The following GALNT13 variants were observed in gnomAD, a reference collection of about 807,000 sequenced individuals.
The protein encoded by GALNT13 is UDP-GalNAc:polypeptide N-acetylgalactosaminyltransferase 13.
A neutral mutation model predicts 64.2 loss-of-function variants in GALNT13; 28 were observed. The ratio of observed to expected loss-of-function variants is 0.44; its 90% confidence interval spans 0.32 to 0.60. The LOEUF (loss-of-function observed/expected upper bound fraction) is 0.60, where lower values mean the gene tolerates loss of function less well. Ranked by LOEUF, GALNT13 falls within the 20% of genes least tolerant of loss-of-function variation. The pLI, the probability that GALNT13 is intolerant of heterozygous loss-of-function variation, is 0.05. For missense variants in GALNT13, 577 were observed against 669.8 expected (o/e 0.86, Z 1.53); for synonymous variants, 214 against 224.6 (o/e 0.95, Z 0.42).
At chr2:153,609,610 T>C in the GALNT13 span, among the ~76,000 whole-genome samples, 1 of 152,140 alleles carries the variant, frequency 6.6e-6, no homozygotes, top group Admixed American at 6.6e-5. Flanking sequence ...GCCCTTTGTT[T>C]CTCATTTAAA....
chr2:154,375,669 C>G (rs1697949961), intron 9 of GALNT13, among the ~76,000 whole-genome samples: 1 of 152,002 alleles, frequency 6.6e-6, no homozygotes, highest in Non-Finnish European at 1.5e-5. Flanking sequence ...TCATGGGGGT[C>G]AAGACAACTT....
At chr2:153,373,358 A>G in the GALNT13 span, among the ~76,000 whole-genome samples, 2 of 152,140 alleles carry the variant, frequency 1.3e-5, no homozygotes, top group African/African-American at 4.8e-5. Flanking sequence ...TTCCCACCTT[A>G]TATTATACAC....
the GALNT13 span, among the ~76,000 whole-genome samples, chr2:153,277,675 T>C: frequency 6.6e-6 from 1 of 152,046 alleles, no homozygotes; most frequent in Non-Finnish European, 1.5e-5. Context: ...ACCAACACTG[T>C]ATAAGGATTT....
chr2:154,133,631 T>G (rs1682778722), intron 3 of GALNT13, among the ~76,000 whole-genome samples: 1 of 146,918 alleles, frequency 6.8e-6, no homozygotes, highest in African/African-American at 2.5e-5. Context: ...TCTAATTACT[T>G]TTTTATCAGT....
the GALNT13 span, among the ~76,000 whole-genome samples, chr2:153,507,282 TTTTTTA>T: frequency 6.6e-6 from 1 of 152,062 alleles, no homozygotes; most frequent in Admixed American, 6.6e-5. Flanking sequence ...TCTTTCCTTC[TTTTTTA>T]TTTTTATTTT....
chr2:153,538,093 T>A, the GALNT13 span, among the ~76,000 whole-genome samples: 1 of 152,132 alleles, frequency 6.6e-6, no homozygotes, highest in Non-Finnish European at 1.5e-5. Flanking sequence ...ACTTGTTGAA[T>A]GGTTTTGATG....
intron 9 of GALNT13, among the ~76,000 whole-genome samples, chr2:154,393,377 T>C (rs940245580): frequency 1.3e-5 from 2 of 152,102 alleles, no homozygotes; most frequent in African/African-American, 4.8e-5. Context: ...AAATCAGAAG[T>C]GACATAACCC....
At chr2:154,424,029 C>T (rs1177809745) in intron 11 of GALNT13, among the ~76,000 whole-genome samples, 1 of 152,030 alleles carries the variant, frequency 6.6e-6, no homozygotes, top group African/African-American at 2.4e-5. Context: ...CTATAAAGTG[C>T]CTGATAAGTA....
intron 4 of GALNT13, among the ~76,000 whole-genome samples, chr2:154,237,088 A>G (rs1689232133): frequency 6.6e-6 from 1 of 151,958 alleles, no homozygotes; most frequent in African/African-American, 2.4e-5. Context: ...CATTATTATT[A>G]CTACTTTAAT....
Position 154,450,743 on chromosome 2 carries a change from C to T in GALNT13, c.*192C>T. 1 of 494,722 alleles carries T rather than the reference C, an allele frequency of 2.0e-6. No homozygotes were observed. Among genetic ancestry groups the T allele is most frequent in the South Asian group, 3.8e-5 (1 of 26,020 alleles). The allele number at this position is 494,722 out of a possible 1,614,324, so 30.6% of individuals were successfully genotyped here. On this transcript the variant is annotated 3_prime_UTR_variant, in exon 13 of 13. Transcript: ENST00000392825. ...CTAAAATTTGTATCTGATCAAAGCA[C>T]ATAAGAATATAAATAATAGCAAACT... is the stretch of plus-strand genomic sequence containing the variant.
chr2:154,125,590 G>A (rs915110370), intron 3 of GALNT13, among the ~76,000 whole-genome samples: 1 of 152,168 alleles, frequency 6.6e-6, no homozygotes. Flanking sequence ...GTACAAAAAC[G>A]CAAAAAAGTG....
At chr2:154,408,167 G>GT (rs1259770253) in intron 10 of GALNT13, among the ~76,000 whole-genome samples, 2 of 151,944 alleles carry the variant, frequency 1.3e-5, no homozygotes, top group African/African-American at 2.4e-5. Flanking sequence ...AAGGTTGAAG[G>GT]TTTTTTTCTT....
the GALNT13 span, among the ~76,000 whole-genome samples, chr2:153,673,595 A>G: frequency 2.0e-5 from 3 of 152,072 alleles, no homozygotes; most frequent in Non-Finnish European, 2.9e-5. Context: ...AACCACGCCA[A>G]TATCATACTG....
the GALNT13 span, among the ~76,000 whole-genome samples, chr2:153,798,357 A>AGAG: frequency 6.6e-6 from 1 of 152,190 alleles, no homozygotes; most frequent in Non-Finnish European, 1.5e-5. Context: ...TAGTTTGAGT[A>AGAG]GAGCAATTAG....
chr2:154,168,544 A>G (rs1327256797), intron 4 of GALNT13, among the ~76,000 whole-genome samples: 2 of 151,992 alleles, frequency 1.3e-5, no homozygotes, highest in Non-Finnish European at 2.9e-5. Context: ...TTTGTAAGGA[A>G]AGAGATTTGG....
the GALNT13 span, among the ~76,000 whole-genome samples, chr2:153,513,032 C>T: frequency 6.6e-5 from 10 of 152,092 alleles, no homozygotes; most frequent in African/African-American, 1.7e-4. Context: ...AATAAGGGGA[C>T]GATCTGTTGG....
the GALNT13 span, among the ~76,000 whole-genome samples, chr2:153,477,050 C>G: frequency 2.6e-5 from 4 of 152,158 alleles, no homozygotes; most frequent in Non-Finnish European, 5.9e-5. Context: ...GGGGGCCCTT[C>G]TGTCGTCTCG....
chr2:153,695,813 A>G, the GALNT13 span, among the ~76,000 whole-genome samples: 1,149 of 152,264 alleles, frequency 7.5e-3, 15 homozygotes, highest in African/African-American at 0.026. Flanking sequence ...ATTTTACAAG[A>G]GTTAACTGTA....
intron 9 of GALNT13, among the ~76,000 whole-genome samples, chr2:154,393,587 T>C (rs1406128583): frequency 6.6e-6 from 1 of 152,214 alleles, no homozygotes; most frequent in Non-Finnish European, 1.5e-5. Context: ...CATATTTTTT[T>C]GTACATTTCT....
Sources: allele counts gnomAD v4.1 joint callset (sites outside exome capture counted in the v4.1 genomes callset), GRCh38; gene constraint gnomAD v4.1.1; transcripts MANE v1.5; gene names NCBI Gene and HGNC (gene_info 2026-07-23, HGNC 2026-07-21).